The following SMARCC1 variants were observed in gnomAD, a reference collection of about 807,000 sequenced individuals.
SMARCC1 encodes SWI/SNF complex subunit SMARCC1.
SMARCC1 carries 43 observed loss-of-function variants against 147.4 expected under a neutral mutation model. The observed-to-expected ratio is 0.29, with a 90% CI of 0.23 to 0.38. The LOEUF is 0.38. Among genes scored for constraint, SMARCC1 ranks in the 10% least tolerant of loss-of-function variants. The pLI, the probability that SMARCC1 is intolerant of heterozygous loss-of-function variation, is 1.00. For missense variants in SMARCC1, 1,119 were observed against 1,381.1 expected, an observed-to-expected ratio of 0.81 and a Z score of 3.01; for synonymous variants, 495 against 484.4, an observed-to-expected ratio of 1.02 and a Z score of -0.29.
At chr3:47,706,350 G>C in intron 10 of SMARCC1, 59 bp downstream of exon 10, 6 of 1,433,208 alleles carry the variant, frequency 4.2e-6, no homozygotes, top group Non-Finnish European at 5.5e-6. Flanking sequence ...GGGATTATAA[G>C]TGTAAGCCAC....
rs1274551011 is a variant in SMARCC1 at position 47,587,109 on chromosome 3, C to A, written c.*1100G>T. ...CTTCACTTTTCCCGTCCCATCCTAA[C>A]CTTAAAAGTACCGGTTGACGAAATT... is the stretch of plus-strand genomic sequence containing the variant. On this transcript the variant is annotated 3_prime_UTR_variant, in exon 28 of 28. Coordinates refer to ENST00000254480, the MANE Select transcript of SMARCC1 (RefSeq NM_003074.4). 6.6e-6 allele frequency: 1 copy of A among 152,538 alleles called. No homozygotes were observed. Among genetic ancestry groups the A allele is most frequent in the Admixed American group, 6.6e-5 (1 of 15,266 alleles). The allele number at this position is 152,538 out of a possible 1,614,324, so 9.4% of individuals were successfully genotyped here. A position where few individuals can be genotyped will look rare whatever the true frequency, so the allele number is the denominator to read the frequency against.
At position 47,738,924 on chromosome 3, in the gene SMARCC1, G is replaced by A. The variant is rs370436469; in HGVS notation, c.402-814C>T. On this transcript the variant is annotated intron_variant, in intron 3 of 27. Coordinates refer to ENST00000254480, the MANE Select transcript of SMARCC1 (RefSeq NM_003074.4). The stretch of plus-strand genomic sequence containing the variant: ...CCCACAAGTATGAATAACAAGTACT[G>A]TTTTCCTAAATGTGGTAACACTGAT... 7.9e-5 allele frequency among the ~76,000 whole-genome samples: 12 copies of A among 152,336 alleles called. No homozygotes were observed. In the East Asian group the frequency reaches 1.5e-3, roughly 20 times the overall value.
chr3:47,615,442 G>T (rs573295266), intron 25 of SMARCC1, among the ~76,000 whole-genome samples: 21 of 152,120 alleles, frequency 1.4e-4, no homozygotes, highest in African/African-American at 4.3e-4. Context: ...TCAAGAGCTG[G>T]GCCTTTCTTA....
At chr3:47,662,246 T>C in intron 20 of SMARCC1, 88 bp downstream of exon 20, 2 of 1,112,616 alleles carry the variant, frequency 1.8e-6, no homozygotes, top group Non-Finnish European at 2.6e-6. Context: ...TTATTTACAT[T>C]AAAAGAAATG....
intron 19 of SMARCC1, among the ~76,000 whole-genome samples, chr3:47,665,518 G>A (rs1403425222): frequency 6.6e-6 from 1 of 152,014 alleles, no homozygotes; most frequent in Non-Finnish European, 1.5e-5. Context: ...GGAACAATAA[G>A]AAAGTTCATC....
At position 47,701,320 on chromosome 3, in the gene SMARCC1, T is replaced by A. The variant is rs751780822; in HGVS notation, c.1123A>T (p.Thr375Ser). 6 of 1,613,180 alleles carry A rather than the reference T, an allele frequency of 3.7e-6. No individual in the cohort carries two copies. Among genetic ancestry groups the A allele is most frequent in the Non-Finnish European group, 5.1e-6 (6 of 1,179,158 alleles). The stretch of plus-strand genomic sequence containing the variant: ...ACTTCTTCTATATTGGGTACAGGTG[T>A]TGGGTCTTCCATATCCTTGGTTAGA... ...EDLTKDMEDP[T>S]PVPNIEEVVL... The change falls in exon 11 of 28, where the codon ACA becomes TCA. Residue 375 changes from threonine to serine, a missense_variant. Transcript: ENST00000254480.
At chr3:47,740,723 C>A (rs1269897916) in intron 3 of SMARCC1, among the ~76,000 whole-genome samples, 1 of 151,960 alleles carries the variant, frequency 6.6e-6, no homozygotes, top group African/African-American at 2.4e-5. Context: ...TCATTAGATA[C>A]CTTGAGGACA....
chr3:47,681,500 A>G (rs1385465050), intron 14 of SMARCC1, among the ~76,000 whole-genome samples: 3 of 152,200 alleles, frequency 2.0e-5, no homozygotes, highest in African/African-American at 7.2e-5. Context: ...TAAAAAAAGA[A>G]CAAACTGTAT....
chr3:47,613,623 G>A (rs2032595346), intron 25 of SMARCC1, among the ~76,000 whole-genome samples: 1 of 152,078 alleles, frequency 6.6e-6, no homozygotes, highest in African/African-American at 2.4e-5. Flanking sequence ...GCCTCCTAAA[G>A]TGCACAGGCA....
chr3:47,604,996 C>T (rs1258545258), intron 26 of SMARCC1, among the ~76,000 whole-genome samples: 7 of 152,222 alleles, frequency 4.6e-5, no homozygotes, highest in Non-Finnish European at 1.0e-4. Context: ...CCACCGCGCC[C>T]AGCCTAATGT....
At chr3:47,664,070 C>T (rs1473804402) in intron 19 of SMARCC1, 5 of 488,220 alleles carry the variant, frequency 1.0e-5, no homozygotes, top group South Asian at 9.0e-5. Context: ...TGACCCTTTG[C>T]GTAACTGTAA....
At chr3:47,657,129 A>C (rs922975388) in intron 21 of SMARCC1, among the ~76,000 whole-genome samples, 2 of 152,216 alleles carry the variant, frequency 1.3e-5, no homozygotes, top group Non-Finnish European at 2.9e-5. Flanking sequence ...TAAAGCAAAA[A>C]CAGAACTGAA....
chr3:47,598,013 G>A (rs2032318591), intron 26 of SMARCC1, among the ~76,000 whole-genome samples: 1 of 152,178 alleles, frequency 6.6e-6, no homozygotes, highest in Non-Finnish European at 1.5e-5. Context: ...TAGAGCAGTG[G>A]CAAACAGAGA....
chr3:47,621,039 C>A (rs999129174), intron 25 of SMARCC1, among the ~76,000 whole-genome samples: 3 of 152,162 alleles, frequency 2.0e-5, no homozygotes, highest in Admixed American at 6.5e-5. Flanking sequence ...TGGTGGCTCA[C>A]GCCTGTAATC....
intron 6 of SMARCC1, among the ~76,000 whole-genome samples, 174 bp from the exon 7 acceptor site, chr3:47,720,909 T>C (rs555376143): frequency 2.6e-5 from 4 of 152,316 alleles, no homozygotes; most frequent in South Asian, 4.1e-4. Context: ...ATCTACCAGA[T>C]TAAAGGGAAA....
At chr3:47,737,304 G>GA (rs2034455297) in intron 4 of SMARCC1, among the ~76,000 whole-genome samples, 1 of 152,124 alleles carries the variant, frequency 6.6e-6, no homozygotes, top group Admixed American at 6.6e-5. Flanking sequence ...TGAGGTGGGA[G>GA]AATCACTTGA....
intron 1 of SMARCC1, among the ~76,000 whole-genome samples, chr3:47,778,743 T>C (rs1182122295): frequency 6.6e-6 from 1 of 152,102 alleles, no homozygotes; most frequent in Non-Finnish European, 1.5e-5. Context: ...TTGTAAGCCC[T>C]GCACTTTGGG....
chr3:47,603,071 T>C (rs1008181197), intron 26 of SMARCC1, among the ~76,000 whole-genome samples: 1 of 152,188 alleles, frequency 6.6e-6, no homozygotes, highest in African/African-American at 2.4e-5. Flanking sequence ...AACTTAATGA[T>C]AGGTAATCTT....
chr3:47,725,655 T>C (rs558581609), intron 6 of SMARCC1, among the ~76,000 whole-genome samples: 20 of 148,740 alleles, frequency 1.3e-4, no homozygotes, highest in African/African-American at 4.9e-4. Flanking sequence ...TTTCACCATG[T>C]TGGCAAGGCT....
Sources: gnomAD v4.1 joint callset for allele counts (sites outside exome capture counted in the v4.1 genomes callset) on GRCh38, gnomAD v4.1.1 for gene constraint, MANE v1.5 for transcripts, NCBI Gene and HGNC (gene_info 2026-07-23, HGNC 2026-07-21) for gene names.